Variants in MCTP2 observed in about 807,000 individuals in gnomAD.
MCTP2 encodes the protein multiple C2 and transmembrane domain-containing protein 2.
MCTP2 carries 132 observed loss-of-function variants against 111.6 expected under a neutral mutation model. That is an observed-to-expected ratio of 1.18 (90% CI 1.03 to 1.37). The LOEUF (loss-of-function observed/expected upper bound fraction) is 1.37, where lower values mean the gene tolerates loss of function less well. Among genes scored for constraint, MCTP2 ranks in the 40% most tolerant of loss-of-function variants. The probability of loss-of-function intolerance (pLI) is 0.00; values close to 1 mark genes in which losing one functional copy is unlikely to be tolerated. For missense variants in MCTP2, 1,183 were observed against 1,067.9 expected, an observed-to-expected ratio of 1.11 and a Z score of -1.50; for synonymous variants, 395 against 387.7, an observed-to-expected ratio of 1.02 and a Z score of -0.22.
chr15:94,432,859 G>T (rs1273222249), intron 17 of MCTP2, among the ~76,000 whole-genome samples: 2 of 152,160 alleles, frequency 1.3e-5, no homozygotes, highest in Non-Finnish European at 2.9e-5. Context: ...GTACTTAGGC[G>T]AACAGCCATG....
chr15:94,340,745 C>T, intron 6 of MCTP2, 68 bp from the exon 7 acceptor site: 1 of 922,144 alleles, frequency 1.1e-6, no homozygotes, highest in Non-Finnish European at 1.7e-6. Context: ...CCATAAGCTC[C>T]TGATGCGTGT....
chr15:94,463,069 A>G (rs939477025), intron 20 of MCTP2, among the ~76,000 whole-genome samples: 1 of 152,206 alleles, frequency 6.6e-6, no homozygotes, highest in African/African-American at 2.4e-5. Flanking sequence ...CAAATCTGAC[A>G]GGCTATGTGG....
At chr15:94,460,593 C>A (rs541077847) in intron 20 of MCTP2, among the ~76,000 whole-genome samples, 2 of 152,184 alleles carry the variant, frequency 1.3e-5, no homozygotes, top group Admixed American at 1.3e-4. Context: ...TCTGGAACAT[C>A]TCTAAAAGAC....
At chr15:94,291,468 G>T (rs2075026843) in intron 1 of MCTP2, among the ~76,000 whole-genome samples, 1 of 152,152 alleles carries the variant, frequency 6.6e-6, no homozygotes, top group Non-Finnish European at 1.5e-5. Flanking sequence ...GAGAGTGGTG[G>T]CATATGCCTG....
chr15:94,358,664 G>A, intron 10 of MCTP2, 52 bp downstream of exon 10: 1 of 1,596,730 alleles, frequency 6.3e-7, no homozygotes, highest in Non-Finnish European at 8.5e-7. Flanking sequence ...CATGGGGCTG[G>A]TTCTGAGAGG....
chr15:94,431,972 A>G (rs2083208000), intron 17 of MCTP2, among the ~76,000 whole-genome samples: 1 of 151,890 alleles, frequency 6.6e-6, no homozygotes, highest in South Asian at 2.1e-4. Flanking sequence ...CTCAAAGACC[A>G]CTCCAGTGGT....
In MCTP2 at chr15:94,482,077, T is replaced by G. The variant is rs2074754953; in HGVS notation, c.*3043T>G. 1 of 152,234 alleles carries G rather than the reference T, an allele frequency of 6.6e-6. No individual in the cohort carries two copies. Among genetic ancestry groups the G allele is most frequent in the Non-Finnish European group, 1.5e-5 (1 of 68,034 alleles). The allele number at this position is 152,234 out of a possible 1,614,324, so 9.4% of individuals were successfully genotyped here. On this transcript the variant is annotated 3_prime_UTR_variant, in exon 23 of 23. Transcript: ENST00000357742. ...GGTGGTAAAACAATCTTCTGGATTC[T>G]TTTTTCTTTACTTGTAAATTATCAT...
chr15:94,249,278 T>C (rs2072232834), intron 1 of MCTP2, among the ~76,000 whole-genome samples: 2 of 152,194 alleles, frequency 1.3e-5, no homozygotes, highest in African/African-American at 4.8e-5. Context: ...AAGAACTAAT[T>C]AGCTGTGCCA....
chr15:94,276,042 C>A (rs962805318), intron 1 of MCTP2, among the ~76,000 whole-genome samples: 9 of 151,950 alleles, frequency 5.9e-5, no homozygotes, highest in Non-Finnish European at 1.0e-4. Flanking sequence ...GATGGGATTT[C>A]ACCGTGTTAG....
At chr15:94,467,503 A>T (rs1468173950) in intron 20 of MCTP2, among the ~76,000 whole-genome samples, 1 of 152,126 alleles carries the variant, frequency 6.6e-6, no homozygotes, top group African/African-American at 2.4e-5. Flanking sequence ...TTTTTACTGT[A>T]TGTAGCTTTG....
intron 17 of MCTP2, among the ~76,000 whole-genome samples, chr15:94,434,930 C>T (rs2083389635): frequency 1.3e-5 from 2 of 149,850 alleles, no homozygotes; most frequent in Admixed American, 1.3e-4. Context: ...GTGGCGCGAT[C>T]TTAGCTCACT....
chr15:94,358,908 C>A (rs774660432), intron 10 of MCTP2, among the ~76,000 whole-genome samples: 1 of 152,074 alleles, frequency 6.6e-6, no homozygotes, highest in Non-Finnish European at 1.5e-5. Flanking sequence ...TTCCAATATA[C>A]GCTATAATTT....
intron 1 of MCTP2, among the ~76,000 whole-genome samples, chr15:94,279,386 T>G (rs1292781557): frequency 6.6e-6 from 1 of 152,150 alleles, no homozygotes; most frequent in Non-Finnish European, 1.5e-5. Flanking sequence ...TTATTGTGAA[T>G]GGGATTGTGT....
intron 14 of MCTP2, 138 bp from the exon 15 acceptor site, chr15:94,398,823 G>C (rs372144184): frequency 1.8e-6 from 1 of 557,980 alleles, no homozygotes; most frequent in Non-Finnish European, 3.3e-6. Context: ...ATTTATGGTG[G>C]ATTTAATATT....
chr15:94,427,926 A>G (rs2082973473), intron 17 of MCTP2, among the ~76,000 whole-genome samples: 1 of 152,194 alleles, frequency 6.6e-6, no homozygotes, highest in African/African-American at 2.4e-5. Context: ...TGCACTTGAC[A>G]TGCTAGCTTA....
chr15:94,243,947 A>ATG lies in MCTP2; in HGVS notation c.-66+12287_-66+12288dup, dbSNP rs566821495. 6.1e-3 allele frequency among the ~76,000 whole-genome samples: 890 copies of ATG among 146,782 alleles called. 6 individuals are homozygous for ATG. The highest frequency in any genetic ancestry group is 0.036 in the Middle Eastern group (5 of 138). On this transcript the variant is annotated intron_variant, in intron 1 of 22. Transcript: ENST00000357742. ...TACACATATGTGTACACATACATAT[A>ATG]TGTGTATATATTTACACACACATAT...
intron 17 of MCTP2, among the ~76,000 whole-genome samples, chr15:94,427,184 T>C (rs2082936045): frequency 6.6e-6 from 1 of 152,170 alleles, no homozygotes; most frequent in African/African-American, 2.4e-5. Context: ...GCAGTTACCA[T>C]GCATGCACTC....
At chr15:94,313,512 C>T (rs2076240861) in intron 2 of MCTP2, among the ~76,000 whole-genome samples, 1 of 151,998 alleles carries the variant, frequency 6.6e-6, no homozygotes, top group Non-Finnish European at 1.5e-5. Flanking sequence ...ACCAGCCTGG[C>T]CAATATGGTG....
At chr15:94,252,514 A>G (rs1052165322) in intron 1 of MCTP2, among the ~76,000 whole-genome samples, 6 of 152,182 alleles carry the variant, frequency 3.9e-5, no homozygotes, top group Admixed American at 6.5e-5. Flanking sequence ...TTGACCTTCA[A>G]TTCTGTTTGA....
Sources: allele counts gnomAD v4.1 joint callset (sites outside exome capture counted in the v4.1 genomes callset), GRCh38; gene constraint gnomAD v4.1.1; transcripts MANE v1.5; gene names NCBI Gene and HGNC (gene_info 2026-07-23, HGNC 2026-07-21).